HDAC9: variants seen among roughly 807,000 people sequenced by gnomAD.
The protein encoded by HDAC9 is histone deacetylase 9, also known as MEF-2 interacting transcription repressor (MITR) protein.
In HDAC9, 41 loss-of-function variants were observed where a neutral mutation model predicts 139.4. The observed-to-expected ratio is 0.29, with a 90% CI of 0.23 to 0.38. The LOEUF (loss-of-function observed/expected upper bound fraction) is 0.38. HDAC9 is among the 10% of genes least tolerant of loss of function. The pLI is 1.00. For missense variants in HDAC9, 1,147 were observed against 1,297.0 expected (o/e 0.88, Z 1.78); for synonymous variants, 517 against 476.2 (o/e 1.09, Z -1.12).
chr7:18,960,667 T>C (rs997610813), intron 24 of HDAC9, among the ~76,000 whole-genome samples: 1 of 152,128 alleles, frequency 6.6e-6, no homozygotes, highest in African/African-American at 2.4e-5. Context: ...TGGTTATGAA[T>C]TGAAGGAAAA....
intron 1 of HDAC9, among the ~76,000 whole-genome samples, chr7:18,348,860 A>T (rs900631971): frequency 6.6e-6 from 1 of 152,128 alleles, no homozygotes; most frequent in Non-Finnish European, 1.5e-5. Context: ...TGCTTGTATT[A>T]TTTAATCTTC....
At chr7:18,606,315 C>G (rs546458763) in intron 6 of HDAC9, among the ~76,000 whole-genome samples, 1 of 152,304 alleles carries the variant, frequency 6.6e-6, no homozygotes, top group Admixed American at 6.5e-5. Flanking sequence ...CTACCACTTA[C>G]TTTTAAATCT....
At chr7:18,743,835 A>G (rs1787679770) in intron 13 of HDAC9, among the ~76,000 whole-genome samples, 1 of 151,922 alleles carries the variant, frequency 6.6e-6, no homozygotes, top group Non-Finnish European at 1.5e-5. Context: ...TTAGACATGA[A>G]CCTTGTTTCA....
chr7:18,196,990 G>C (rs569304588), intron 2 of HDAC9, among the ~76,000 whole-genome samples: 1 of 152,204 alleles, frequency 6.6e-6, no homozygotes, highest in Non-Finnish European at 1.5e-5. Context: ...AGACTGAGTA[G>C]AGCAGATTGC....
At chr7:18,651,514 A>G (rs1789254508) in intron 11 of HDAC9, among the ~76,000 whole-genome samples, 1 of 152,190 alleles carries the variant, frequency 6.6e-6, no homozygotes, top group Admixed American at 6.5e-5. Context: ...GCTTCCTGGT[A>G]TAAAATTTGT....
chr7:18,741,627 A>AAGG (rs1014564349), intron 13 of HDAC9, among the ~76,000 whole-genome samples: 1 of 143,554 alleles, frequency 7.0e-6, no homozygotes, highest in Non-Finnish European at 1.6e-5. Context: ...CCCATAGATC[A>AAGG]AGGAGTCTTT....
rs527940957 is a variant in HDAC9, at chr7:18,736,237, G to T, written c.1909+8480G>T. Among the ~76,000 whole-genome samples, 3 of 152,156 alleles carry T rather than the reference G, an allele frequency of 2.0e-5. No individual in the cohort carries two copies. The East Asian group carries it at 5.8e-4, about 29-fold the overall frequency. The stretch of plus-strand genomic sequence containing the variant: ...TGAATACCCTTTATTTCTATCTCTT[G>T]CCTGATTGCCCTGGCCAGAAGTTCC... On this transcript the variant is annotated intron_variant, in intron 13 of 25. Coordinates refer to ENST00000686413, the MANE Select transcript of HDAC9 (RefSeq NM_178425.4).
intron 1 of HDAC9, among the ~76,000 whole-genome samples, chr7:18,361,867 A>G (rs1434773479): frequency 6.6e-6 from 1 of 151,948 alleles, no homozygotes; most frequent in Non-Finnish European, 1.5e-5. Flanking sequence ...TGATACACTC[A>G]GGAGACTCAC....
At chr7:18,710,699 A>T (rs910803998) in intron 12 of HDAC9, among the ~76,000 whole-genome samples, 2 of 152,236 alleles carry the variant, frequency 1.3e-5, no homozygotes, top group Non-Finnish European at 2.9e-5. Context: ...TTGAAAGTAC[A>T]TCAAATGCTC....
upstream of HDAC9, among the ~76,000 whole-genome samples, chr7:18,289,334 A>G (rs969196282): frequency 1.3e-5 from 2 of 152,160 alleles, no homozygotes; most frequent in African/African-American, 4.8e-5. Context: ...ATAAGTCTTC[A>G]AAGTTTTTCC....
chr7:18,916,439 AGTG>A (rs1213656019), intron 22 of HDAC9, among the ~76,000 whole-genome samples: 1 of 152,016 alleles, frequency 6.6e-6, no homozygotes, highest in Non-Finnish European at 1.5e-5. Flanking sequence ...CAGTTAGTAA[AGTG>A]GTGTAAAATT....
At chr7:18,388,270 C>T (rs1786129284) in intron 1 of HDAC9, among the ~76,000 whole-genome samples, 1 of 152,130 alleles carries the variant, frequency 6.6e-6, no homozygotes, top group Admixed American at 6.5e-5. Context: ...GCCATGACTC[C>T]CTGAGAGGTT....
chr7:18,757,724 A>G (rs1217324016), intron 14 of HDAC9, among the ~76,000 whole-genome samples: 4 of 152,038 alleles, frequency 2.6e-5, no homozygotes, highest in African/African-American at 4.8e-5. Context: ...ATATGAATCT[A>G]TATCGTGTGT....
intron 1 of HDAC9, among the ~76,000 whole-genome samples, chr7:18,374,326 G>A (rs1181090966): frequency 1.3e-5 from 2 of 151,832 alleles, no homozygotes; most frequent in African/African-American, 2.4e-5. Context: ...ACACAGATGC[G>A]TTGTTGACTG....
At chr7:18,664,805 G>T (rs1448688201) in intron 11 of HDAC9, among the ~76,000 whole-genome samples, 1 of 152,042 alleles carries the variant, frequency 6.6e-6, no homozygotes, top group Admixed American at 6.6e-5. Flanking sequence ...AAAGCATTTT[G>T]TCATACTTGA....
chr7:18,206,817 A>G lies in HDAC9; in HGVS notation c.25+44468A>G, dbSNP rs529685060. Among the ~76,000 whole-genome samples, 108 of 152,262 alleles carry G rather than the reference A, an allele frequency of 7.1e-4. 1 individual carries two copies. The highest frequency in any genetic ancestry group is 2.9e-3 in the Admixed American group (44 of 15,296). On this transcript the variant is annotated intron_variant, in intron 2 of 12. Coordinates refer to the HDAC9 transcript ENST00000417496. ...ATCCCAGTTCCAAGCCTTTCAAGTTAGTTTAAGTGTAGGAAGAGGAGTGGC... is the reference window on the plus strand; with the variant it reads ...ATCCCAGTTCCAAGCCTTTCAAGTTGGTTTAAGTGTAGGAAGAGGAGTGGC...
chr7:18,938,211 A>G (rs1781777958), intron 23 of HDAC9, among the ~76,000 whole-genome samples: 2 of 144,418 alleles, frequency 1.4e-5, no homozygotes, highest in Non-Finnish European at 3.0e-5. Context: ...AGCCTGGGCG[A>G]CAGAGCGAGA....
At chr7:18,190,133 G>C (rs1370807552) in intron 2 of HDAC9, among the ~76,000 whole-genome samples, 1 of 151,982 alleles carries the variant, frequency 6.6e-6, no homozygotes, top group Non-Finnish European at 1.5e-5. Flanking sequence ...TAGTAGAGAT[G>C]GGGTTTCACC....
intron 2 of HDAC9, among the ~76,000 whole-genome samples, chr7:18,232,886 C>G (rs1793559784): frequency 6.6e-6 from 1 of 152,206 alleles, no homozygotes; most frequent in South Asian, 2.1e-4. Context: ...GCTCCCCTTT[C>G]TAATCTGCTA....
Sources: allele counts gnomAD v4.1 joint callset (sites outside exome capture counted in the v4.1 genomes callset), GRCh38; gene constraint gnomAD v4.1.1; transcripts MANE v1.5; gene names NCBI Gene and HGNC (gene_info 2026-07-23, HGNC 2026-07-21).